The following ZNF236 variants were observed in gnomAD, a reference collection of about 807,000 sequenced individuals.
ZNF236 encodes the protein regulated by glucose.
Under a neutral mutation model 191.2 loss-of-function variants are expected in ZNF236, and 50 were observed. That is an observed-to-expected ratio of 0.26 (90% CI 0.21 to 0.33). The LOEUF (loss-of-function observed/expected upper bound fraction) is 0.33. Ranked by LOEUF, ZNF236 falls within the 10% of genes least tolerant of loss-of-function variation. The pLI is 1.00. For synonymous variants in ZNF236, 907 were observed against 928.8 expected (o/e 0.98, Z 0.43); for missense variants, 1,754 against 2,374.5 (o/e 0.74, Z 5.43).
chr18:76,842,977 T>C (rs1464726122), intron 1 of ZNF236, among the ~76,000 whole-genome samples: 2 of 152,208 alleles, frequency 1.3e-5, no homozygotes, highest in Non-Finnish European at 2.9e-5. Context: ...GAGAGCTCCT[T>C]CTTGGAAGAA....
chr18:76,840,671 G>C (rs2122451788), intron 1 of ZNF236, among the ~76,000 whole-genome samples: 1 of 140,018 alleles, frequency 7.1e-6, no homozygotes, highest in Non-Finnish European at 1.5e-5. Flanking sequence ...TGTCACTCAG[G>C]CTGGAGTGCA....
At position 76,913,911 on chromosome 18, in the gene ZNF236, C is replaced by G. The variant is rs1445967249; in HGVS notation, c.3061+13C>G. 1 of 1,613,640 alleles carries G rather than the reference C, an allele frequency of 6.2e-7. No homozygotes were observed. Among genetic ancestry groups the G allele is most frequent in the Non-Finnish European group, 8.5e-7 (1 of 1,179,746 alleles). ...AAGACACACACAGGTCACTGTCTGC[C>G]TTATACTTGGAGATTAGTCCTTTAA... is the stretch of plus-strand genomic sequence containing the variant. On this transcript the variant is annotated intron_variant, in intron 18 of 30. Coordinates refer to ENST00000320610, the MANE Select transcript of ZNF236 (RefSeq NM_001306089.2).
chr18:76,867,120 C>T (rs969798206), intron 3 of ZNF236, among the ~76,000 whole-genome samples: 1 of 151,638 alleles, frequency 6.6e-6, no homozygotes, highest in Non-Finnish European at 1.5e-5. Flanking sequence ...CGGAGAGGAG[C>T]GGGCTGCGAG....
intron 3 of ZNF236, among the ~76,000 whole-genome samples, chr18:76,858,026 G>T (rs1172673145): frequency 2.6e-5 from 4 of 152,092 alleles, no homozygotes; most frequent in Non-Finnish European, 5.9e-5. Context: ...TTGGCCATAT[G>T]TTGTGTTACG....
chr18:76,859,226 GA>G (rs1197053843), intron 3 of ZNF236, among the ~76,000 whole-genome samples: 2 of 133,824 alleles, frequency 1.5e-5, no homozygotes. Flanking sequence ...AGGTGGAGGA[GA>G]AAGGGGGAGA....
At chr18:76,881,141 C>T (rs918787545) in intron 8 of ZNF236, 143 bp from the exon 9 acceptor site, 2 of 722,778 alleles carry the variant, frequency 2.8e-6, no homozygotes, top group Non-Finnish European at 4.4e-6. Context: ...TTGGAAGCCT[C>T]ACTTATAAGT....
chr18:76,880,119 C>A lies in ZNF236; in HGVS notation c.991C>A (p.Leu331Ile). 1.9e-6 allele frequency: 3 copies of A among 1,608,684 alleles called. No homozygotes were observed. The highest frequency in any genetic ancestry group is 2.5e-6 in the Non-Finnish European group (3 of 1,176,750). The change falls in exon 8 of 31, where the codon CTT (leucine) becomes ATT (isoleucine). Residue 331 changes from leucine to isoleucine, a missense_variant. This residue lies in a region of ZNF236 where 336 missense variants were observed against 495.1 expected (regional missense o/e 0.68). Transcript: ENST00000320610. The surrounding 1 kb of genome is among the most constrained non-coding windows in gnomAD (Gnocchi z 5.0). ...TETAHVLTAT[L>I]FQTLPLQQTE... is the part of the protein sequence containing the mutation. ...AAATGTTTCTGTGTTTCAGGCCACA[C>A]TTTTTCAGACGTTACCTCTTCAACA... is the stretch of plus-strand genomic sequence containing the variant.
Position 76,919,725 on chromosome 18 carries a change from C to A in ZNF236, c.3275-51C>A. ...TTAGTTTTAATTGTTTTGCTAAAAA[C>A]CTAGGTTTTCTTCATTACGATTTTG... On this transcript the variant is annotated intron_variant, in intron 19 of 30. Transcript: ENST00000320610. This position sits in a 1 kb window ranked among gnomAD's most constrained non-coding sequence, Gnocchi z 5.3. 1.3e-6 allele frequency: 2 copies of A among 1,592,070 alleles called. No homozygotes were observed. The highest frequency in any genetic ancestry group is 8.6e-7 in the Non-Finnish European group (1 of 1,165,500).
Position 76,960,626 on chromosome 18 carries a change from G to A in ZNF236, c.5243-53G>A. The A allele has an allele frequency of 6.2e-7, 1 of 1,603,766 alleles. No homozygotes were observed. The highest frequency in any genetic ancestry group is 8.5e-7 in the Non-Finnish European group (1 of 1,171,398). Reference sequence around the variant, plus strand: ...TGTTCATACCTCAGGGTAGAGCCCAGGCATCCACTATACTTTTCTTAGAGA... The same window carrying A: ...TGTTCATACCTCAGGGTAGAGCCCAAGCATCCACTATACTTTTCTTAGAGA... On this transcript the variant is annotated intron_variant, in intron 29 of 30. Transcript: ENST00000320610. The surrounding 1 kb of genome is among the most constrained non-coding windows in gnomAD (Gnocchi z 4.4).
intron 25 of ZNF236, among the ~76,000 whole-genome samples, chr18:76,934,901 A>G (rs902778956): frequency 2.0e-5 from 3 of 152,236 alleles, no homozygotes; most frequent in African/African-American, 7.2e-5. Context: ...TGATATCCCA[A>G]GAGATTTAAG....
intron 13 of ZNF236, among the ~76,000 whole-genome samples, chr18:76,905,933 C>T (rs1347183687): frequency 2.0e-5 from 3 of 152,182 alleles, no homozygotes; most frequent in Admixed American, 6.5e-5. Context: ...GGATGTAATC[C>T]GGAAGAGATG....
intron 28 of ZNF236, among the ~76,000 whole-genome samples, chr18:76,958,112 C>T (rs774458731): frequency 1.7e-4 from 26 of 152,188 alleles, no homozygotes; most frequent in Admixed American, 2.6e-4. Flanking sequence ...GGCACAACAC[C>T]GCCCCTTCTT....
At position 76,905,103 on chromosome 18, in the gene ZNF236, C is replaced by T. The variant is rs370929974; in HGVS notation, c.2037-52C>T. 57 of 1,523,170 alleles carry T rather than the reference C, an allele frequency of 3.7e-5. No homozygotes were observed. The African/African-American group carries it at 6.3e-4, about 17-fold the overall frequency. 94.4% of individuals were successfully genotyped at this position (1,523,170 alleles called of 1,614,324 possible). On this transcript the variant is annotated intron_variant, in intron 12 of 30. Coordinates refer to ENST00000320610, the MANE Select transcript of ZNF236 (RefSeq NM_001306089.2). The stretch of plus-strand genomic sequence containing the variant: ...GCAAGAGTGCATTCTAGTCACAAAG[C>T]ATTATAAAAGTATAAGAAACATATT...
rs1976885030 is a variant in ZNF236, at chr18:76,881,275, C to T, written c.1189-9C>T. 6.2e-7 allele frequency: 1 copy of T among 1,610,108 alleles called. No homozygotes were observed. The highest frequency in any genetic ancestry group is 2.2e-5 in the East Asian group (1 of 44,850). Reference sequence around the variant, plus strand: ...TACCTTCTAACCTTTTAGTTTTGTTCTGTCTTAGCAAGCCTTAGAAAACAG... The same window carrying T: ...TACCTTCTAACCTTTTAGTTTTGTTTTGTCTTAGCAAGCCTTAGAAAACAG... On this transcript the variant is annotated splice_polypyrimidine_tract_variant and intron_variant, in intron 8 of 30. Coordinates refer to ENST00000320610, the MANE Select transcript of ZNF236 (RefSeq NM_001306089.2).
At chr18:76,844,239 CAA>C (rs35737023) in intron 1 of ZNF236, among the ~76,000 whole-genome samples, 12 of 86,434 alleles carry the variant, frequency 1.4e-4, no homozygotes, top group Admixed American at 2.5e-4. Flanking sequence ...GACTCCATCT[CAA>C]AAAAAAAAAA....
At chr18:76,909,228 T>C (rs969816810) in intron 14 of ZNF236, among the ~76,000 whole-genome samples, 3 of 151,394 alleles carry the variant, frequency 2.0e-5, no homozygotes, top group Admixed American at 6.6e-5. Context: ...GGCAGGAGAA[T>C]TGCTTGAACC....
Position 76,881,409 on chromosome 18 carries a change from G to C in ZNF236, c.1314G>C (p.Gln438His). 2 of 1,614,004 alleles carry C rather than the reference G, an allele frequency of 1.2e-6. No individual in the cohort carries two copies. The highest frequency in any genetic ancestry group is 1.7e-6 in the Non-Finnish European group (2 of 1,180,012). Residue 438 changes from glutamine (Q) to histidine (H), a missense_variant, in exon 9 of 31, where the codon CAG (glutamine) becomes CAC (histidine). Gln to His is a conservative substitution (Grantham distance 24, BLOSUM62 0). Around this residue, in one of 5 missense-constraint regions of ZNF236, gnomAD observed 126 missense variants for 110.9 expected, o/e 1.14. Transcript: ENST00000320610. The stretch of plus-strand genomic sequence containing the variant: ...ATGTTTCCAGCGTTTCAAATGAGCA[G>C]ACGGACCCCACAGACGCAGAGCAAG... ...NPDVSSVSNE[Q>H]TDPTDAEQEK...
chr18:76,901,396 C>G (rs1977587934), intron 11 of ZNF236, among the ~76,000 whole-genome samples: 1 of 152,152 alleles, frequency 6.6e-6, no homozygotes, highest in Non-Finnish European at 1.5e-5. Context: ...GCAGAATTGA[C>G]TGTAGAAGAA....
intron 1 of ZNF236, among the ~76,000 whole-genome samples, chr18:76,829,806 G>A (rs1174011120): frequency 2.0e-5 from 3 of 152,222 alleles, no homozygotes; most frequent in Admixed American, 6.5e-5. Flanking sequence ...CGTGCCCCTC[G>A]CAGTCACAGG....
Sources: allele counts gnomAD v4.1 joint callset (sites outside exome capture counted in the v4.1 genomes callset), GRCh38; gene constraint gnomAD v4.1.1; regional missense constraint gnomAD v4.1.1; non-coding constraint Gnocchi (gnomAD v3.1); transcripts MANE v1.5; gene names NCBI Gene and HGNC (gene_info 2026-07-23, HGNC 2026-07-21).